The following PCSK5 variants were observed in gnomAD, a reference collection of about 807,000 sequenced individuals.
PCSK5 encodes prohormone convertase 5.
Under a neutral mutation model 233.2 loss-of-function variants are expected in PCSK5, and 129 were observed. The ratio of observed to expected loss-of-function variants is 0.55; its 90% CI spans 0.48 to 0.64. PCSK5 has a LOEUF of 0.64. PCSK5 is among the 30% of genes least tolerant of loss of function. PCSK5 has a pLI of 0.00. For synonymous variants in PCSK5, 825 were observed against 879.2 expected (o/e 0.94, Z 1.09); for missense variants, 2,076 against 2,430.1 (o/e 0.85, Z 3.06).
At chr9:76,094,956 A>G (rs1587619657) in intron 7 of PCSK5, among the ~76,000 whole-genome samples, 1 of 152,308 alleles carries the variant, frequency 6.6e-6, no homozygotes, top group Admixed American at 6.5e-5. Flanking sequence ...TGGCATGAAG[A>G]ATGTGACACT....
intron 3 of PCSK5, among the ~76,000 whole-genome samples, chr9:76,002,009 C>CA (rs1827283398): frequency 6.6e-6 from 1 of 152,026 alleles, no homozygotes; most frequent in Admixed American, 6.5e-5. Flanking sequence ...TAATGTGTAA[C>CA]AGAAGGGAAA....
In PCSK5 at chr9:75,986,242, T is replaced by C; in HGVS notation, c.408T>C (p.Tyr136=). ...ATCCCAAGTGGCCCAGCATGTGGTATATGGTAAGCTTGCTAAGGAAGCCTG... is the reference window on the plus strand; with the variant it reads ...ATCCCAAGTGGCCCAGCATGTGGTACATGGTAAGCTTGCTAAGGAAGCCTG... ...FNDPKWPSMW[Y]MHCSDNTHPC... Residue 136 remains tyrosine, a synonymous_variant, in exon 3 of 38, where the codon TAT becomes TAC. Transcript: ENST00000674117. 4 of 1,579,524 alleles carry C rather than the reference T, an allele frequency of 2.5e-6. No individual in the cohort carries two copies. The highest frequency in any genetic ancestry group is 3.5e-6 in the Non-Finnish European group (4 of 1,148,362).
chr9:76,259,739 A>G (rs1418199232), intron 24 of PCSK5, among the ~76,000 whole-genome samples: 2 of 152,074 alleles, frequency 1.3e-5, no homozygotes, highest in Admixed American at 1.3e-4. Flanking sequence ...AACCAAGTCA[A>G]TGTCAGCGTC....
chr9:76,079,464 A>G (rs1266869184), intron 7 of PCSK5, among the ~76,000 whole-genome samples: 2 of 152,064 alleles, frequency 1.3e-5, no homozygotes, highest in African/African-American at 4.8e-5. Flanking sequence ...ATGGTTCTCA[A>G]CTTGAACATT....
intron 12 of PCSK5, 110 bp downstream of exon 12, chr9:76,159,281 G>T (rs556135347): frequency 1.7e-5 from 16 of 924,278 alleles, no homozygotes; most frequent in East Asian, 2.6e-5. Context: ...ACCAGCAGAG[G>T]GGGTGCTTAG....
At chr9:76,038,446 T>G (rs1374433608) in intron 5 of PCSK5, among the ~76,000 whole-genome samples, 1 of 152,224 alleles carries the variant, frequency 6.6e-6, no homozygotes, top group African/African-American at 2.4e-5. Flanking sequence ...GTTGTTAATT[T>G]TATTGAATGT....
chr9:76,094,253 G>A (rs368091106), intron 7 of PCSK5, among the ~76,000 whole-genome samples: 7 of 152,022 alleles, frequency 4.6e-5, no homozygotes, highest in East Asian at 3.9e-4. Flanking sequence ...CTTTTTCTTC[G>A]GCTCTTTTTC....
At chr9:76,213,986 G>A (rs1196258082) in intron 20 of PCSK5, among the ~76,000 whole-genome samples, 1 of 152,110 alleles carries the variant, frequency 6.6e-6, no homozygotes. Context: ...TCACACTTAG[G>A]AACAATCTTC....
At chr9:76,057,982 G>GCTTA (rs1248251981) in intron 5 of PCSK5, among the ~76,000 whole-genome samples, 3 of 152,026 alleles carry the variant, frequency 2.0e-5, no homozygotes, top group Admixed American at 2.0e-4. Flanking sequence ...GACTACAGGT[G>GCTTA]CTTACCACTA....
chr9:76,259,862 G>A (rs976487900), intron 24 of PCSK5, among the ~76,000 whole-genome samples: 13 of 152,024 alleles, frequency 8.6e-5, no homozygotes, highest in African/African-American at 2.7e-4. Flanking sequence ...CAGTCTATGG[G>A]TCTCCCTCCC....
At chr9:75,914,913 C>T (rs1423609995) in intron 1 of PCSK5, among the ~76,000 whole-genome samples, 1 of 152,096 alleles carries the variant, frequency 6.6e-6, no homozygotes, top group Non-Finnish European at 1.5e-5. Flanking sequence ...CTTTTACACC[C>T]CTTTCATTAA....
chr9:76,072,848 C>T (rs1830526174), intron 7 of PCSK5, among the ~76,000 whole-genome samples: 1 of 152,188 alleles, frequency 6.6e-6, no homozygotes, highest in Admixed American at 6.6e-5. Flanking sequence ...CACGTCTTCC[C>T]AGAAGCCTTC....
chr9:76,136,047 C>A lies in PCSK5; in HGVS notation c.1312+1835C>A, dbSNP rs986349937. ...AACGGTATTTTACTATTGCACGTGG[C>A]AATATTTAGTATAATATTTCACTCT... On this transcript the variant is annotated intron_variant, in intron 10 of 37. Transcript: ENST00000674117. Among the ~76,000 whole-genome samples, 3 of 151,862 alleles carry A rather than the reference C, an allele frequency of 2.0e-5. No homozygotes were observed. The South Asian group carries it at 6.2e-4, about 32-fold the overall frequency.
chr9:76,078,568 T>C (rs1830721398), intron 7 of PCSK5, among the ~76,000 whole-genome samples: 1 of 152,190 alleles, frequency 6.6e-6, no homozygotes, highest in Non-Finnish European at 1.5e-5. Flanking sequence ...GCGCCATTTA[T>C]TGAATAAGGA....
At chr9:76,043,253 G>C (rs1392971399) in intron 5 of PCSK5, among the ~76,000 whole-genome samples, 1 of 148,290 alleles carries the variant, frequency 6.7e-6, no homozygotes, top group Non-Finnish European at 1.5e-5. Flanking sequence ...GGAGAATGGC[G>C]TGTACCCGGG....
intron 24 of PCSK5, chr9:76,287,593 G>A (rs1389346217): frequency 6.6e-6 from 1 of 152,376 alleles, no homozygotes; most frequent in Non-Finnish European, 1.5e-5. Context: ...CTGAGTAGCT[G>A]GGACTACAGG....
At chr9:76,266,960 G>A (rs561894756) in intron 24 of PCSK5, among the ~76,000 whole-genome samples, 16 of 152,210 alleles carry the variant, frequency 1.1e-4, no homozygotes, top group South Asian at 1.0e-3. Flanking sequence ...GAGCAGTTTC[G>A]GTGCACCTTC....
chr9:75,934,255 T>C (rs989507054), intron 2 of PCSK5, among the ~76,000 whole-genome samples: 3 of 152,126 alleles, frequency 2.0e-5, no homozygotes, highest in African/African-American at 7.2e-5. Context: ...CAACTTACTC[T>C]CCATTCCAAT....
At chr9:75,978,869 C>CTTTTTTTTTTTTTTTTTTTTTT (rs5898441) in intron 2 of PCSK5, among the ~76,000 whole-genome samples, 1 of 128,044 alleles carries the variant, frequency 7.8e-6, no homozygotes, top group Non-Finnish European at 1.6e-5. Flanking sequence ...GAATGTTTCC[C>CTTTTTTTTTTTTTTTTTTTTTT]TTTTTTTTTT....
Sources: allele counts gnomAD v4.1 joint callset (sites outside exome capture counted in the v4.1 genomes callset), GRCh38; gene constraint gnomAD v4.1.1; transcripts MANE v1.5; gene names NCBI Gene and HGNC (gene_info 2026-07-23, HGNC 2026-07-21).